The following RBFOX1 variants were observed in gnomAD, a reference collection of about 807,000 sequenced individuals.
RBFOX1 encodes the protein RNA binding protein fox-1 homolog 1.
A neutral mutation model predicts 57.7 loss-of-function variants in RBFOX1; 8 were observed. That is an observed-to-expected ratio of 0.14 (90% confidence interval 0.08 to 0.25). The LOEUF is 0.25. Ranked by LOEUF, RBFOX1 falls within the 10% of genes least tolerant of loss-of-function variation. The pLI is 1.00. For missense variants in RBFOX1, 611 were observed against 548.5 expected, an observed-to-expected ratio of 1.11 and a Z score of -1.14; for synonymous variants, 326 against 222.4, an observed-to-expected ratio of 1.47 and a Z score of -4.15.
At chr16:5,906,980 A>G (rs1429198342) in intron 4 of RBFOX1, among the ~76,000 whole-genome samples, 2 of 151,486 alleles carry the variant, frequency 1.3e-5, no homozygotes, top group African/African-American at 4.9e-5. Flanking sequence ...CAGGTGATCC[A>G]CCTGCCTCGG....
intron 4 of RBFOX1, among the ~76,000 whole-genome samples, chr16:7,498,381 G>C (rs1470304578): frequency 6.6e-6 from 1 of 152,002 alleles, no homozygotes; most frequent in Non-Finnish European, 1.5e-5. Flanking sequence ...CTGAACCAAT[G>C]AGTATAGCTA....
At chr16:7,520,864 G>T (rs1252183715) in intron 5 of RBFOX1, among the ~76,000 whole-genome samples, 1 of 152,304 alleles carries the variant, frequency 6.6e-6, no homozygotes, top group African/African-American at 2.4e-5. Context: ...GCTAACTGCT[G>T]TGGAAATTTT....
chr16:6,170,933 T>C (rs1332417600), intron 1 of RBFOX1, among the ~76,000 whole-genome samples: 2 of 152,218 alleles, frequency 1.3e-5, no homozygotes, highest in African/African-American at 4.8e-5. Context: ...TTCTTTTTTG[T>C]AGTTGCATAG....
chr16:7,537,861 C>A (rs2081920940), intron 5 of RBFOX1, among the ~76,000 whole-genome samples: 1 of 152,210 alleles, frequency 6.6e-6, no homozygotes, highest in African/African-American at 2.4e-5. Flanking sequence ...AATTAATTTC[C>A]ATCATACATA....
At chr16:5,455,836 C>A (rs2068614946) in intron 1 of RBFOX1, among the ~76,000 whole-genome samples, 1 of 152,164 alleles carries the variant, frequency 6.6e-6, no homozygotes, top group African/African-American at 2.4e-5. Flanking sequence ...GAAATAAATT[C>A]TTGAAATAAA....
At chr16:7,482,361 G>A (rs12448638) in intron 4 of RBFOX1, among the ~76,000 whole-genome samples, 1 of 151,788 alleles carries the variant, frequency 6.6e-6, no homozygotes, top group Non-Finnish European at 1.5e-5. Flanking sequence ...GCTCAAAGAG[G>A]CTTGTTCAGT....
intron 3 of RBFOX1, among the ~76,000 whole-genome samples, chr16:5,745,743 T>C (rs1272890323): frequency 1.3e-5 from 2 of 152,260 alleles, no homozygotes; most frequent in Admixed American, 1.3e-4. Context: ...ATGTCTTCTT[T>C]TGAGAAGTGT....
At chr16:7,056,833 A>C (rs1412681204) in intron 4 of RBFOX1, among the ~76,000 whole-genome samples, 1 of 152,198 alleles carries the variant, frequency 6.6e-6, no homozygotes, top group Admixed American at 6.5e-5. Flanking sequence ...ACTGATCTGC[A>C]ATATGGCAAT....
intron 4 of RBFOX1, among the ~76,000 whole-genome samples, chr16:7,064,735 C>T (rs1455394420): frequency 6.6e-6 from 1 of 152,148 alleles, no homozygotes. Context: ...AAATACATTG[C>T]TACTAAAATC....
chr16:6,007,360 C>T (rs749103155), intron 4 of RBFOX1, among the ~76,000 whole-genome samples: 3 of 152,200 alleles, frequency 2.0e-5, no homozygotes, highest in Non-Finnish European at 4.4e-5. Context: ...TGACAAGGCA[C>T]TGAGGGTGAC....
At chr16:6,349,311 A>AT (rs557817577) in intron 2 of RBFOX1, among the ~76,000 whole-genome samples, 1 of 152,138 alleles carries the variant, frequency 6.6e-6, no homozygotes, top group Non-Finnish European at 1.5e-5. Flanking sequence ...GGAGGCTGAC[A>AT]TTTTACCTCT....
chr16:7,607,105 C>A (rs1017795254), intron 9 of RBFOX1, among the ~76,000 whole-genome samples, 180 bp from the exon 10 acceptor site: 1 of 152,036 alleles, frequency 6.6e-6, no homozygotes, highest in Non-Finnish European at 1.5e-5. Context: ...CAAAGAAGGG[C>A]ATAAATATAT....
intron 4 of RBFOX1, among the ~76,000 whole-genome samples, chr16:7,485,814 G>C (rs974959861): frequency 6.6e-6 from 1 of 152,162 alleles, no homozygotes; most frequent in Non-Finnish European, 1.5e-5. Context: ...GAGTCCACTT[G>C]GCATTTGGTT....
intron 2 of RBFOX1, among the ~76,000 whole-genome samples, chr16:6,575,930 G>T (rs1225826185): frequency 6.6e-6 from 1 of 151,746 alleles, no homozygotes; most frequent in Admixed American, 6.6e-5. Context: ...AATTTAGCCA[G>T]TTTTTGATTA....
At chr16:5,641,264 A>G (rs556803454) in intron 3 of RBFOX1, among the ~76,000 whole-genome samples, 7 of 152,224 alleles carry the variant, frequency 4.6e-5, no homozygotes, top group Admixed American at 6.5e-5. Flanking sequence ...CAGTTATTAA[A>G]TAGGCTGTGT....
At chr16:5,772,966 T>C (rs1365858461) in intron 3 of RBFOX1, among the ~76,000 whole-genome samples, 1 of 152,114 alleles carries the variant, frequency 6.6e-6, no homozygotes, top group African/African-American at 2.4e-5. Flanking sequence ...GTCCTGGGGC[T>C]GTAGCATACC....
At chr16:5,525,267 T>C (rs951348854) in intron 2 of RBFOX1, among the ~76,000 whole-genome samples, 1 of 152,080 alleles carries the variant, frequency 6.6e-6, no homozygotes, top group African/African-American at 2.4e-5. Context: ...TGAGAAGACA[T>C]GGGGAGTAAT....
intron 3 of RBFOX1, among the ~76,000 whole-genome samples, chr16:5,686,992 G>C (rs1428828135): frequency 3.3e-5 from 5 of 152,124 alleles, no homozygotes. Context: ...ATTGCATTTT[G>C]GGTTGGGTAC....
intron 4 of RBFOX1, among the ~76,000 whole-genome samples, chr16:7,072,102 C>T (rs114148258): frequency 0.01 from 1,546 of 152,236 alleles, 30 homozygotes; most frequent in African/African-American, 0.035. Context: ...GTTCCTTTTA[C>T]GGTAAACATG....
Sources: gnomAD v4.1 joint callset for allele counts (sites outside exome capture counted in the v4.1 genomes callset) on GRCh38, gnomAD v4.1.1 for gene constraint, MANE v1.5 for transcripts, NCBI Gene and HGNC (gene_info 2026-07-23, HGNC 2026-07-21) for gene names.